Variants in APBA1 observed in about 807,000 individuals in gnomAD.
APBA1 encodes the protein amyloid-beta A4 precursor protein-binding family A member 1.
In APBA1, 55 loss-of-function variants were observed where a neutral mutation model predicts 86.6. That is an observed-to-expected ratio of 0.64 (90% confidence interval 0.51 to 0.80). APBA1 has a LOEUF of 0.80. Ranked by LOEUF, APBA1 falls within the 30% of genes least tolerant of loss-of-function variation. The pLI, the probability that APBA1 is intolerant of heterozygous loss-of-function variation, is 0.00. For missense variants in APBA1, 1,090 were observed against 1,183.0 expected (o/e 0.92, Z 1.15); for synonymous variants, 511 against 493.9 (o/e 1.03, Z -0.46).
intron 11 of APBA1, among the ~76,000 whole-genome samples, chr9:69,440,176 G>C (rs1834789109): frequency 6.6e-6 from 1 of 152,192 alleles, no homozygotes; most frequent in South Asian, 2.1e-4. Flanking sequence ...GGCTGTGTGA[G>C]GTGTCAGTCT....
intron 1 of APBA1, among the ~76,000 whole-genome samples, chr9:69,528,663 A>G (rs1365961249): frequency 6.6e-6 from 1 of 151,894 alleles, no homozygotes; most frequent in Non-Finnish European, 1.5e-5. Context: ...CTTCCTTTCT[A>G]CTGTTATCTC....
chr9:69,589,305 A>G (rs1310345756), intron 1 of APBA1, among the ~76,000 whole-genome samples: 1 of 152,206 alleles, frequency 6.6e-6, no homozygotes, highest in Admixed American at 6.5e-5. Context: ...CTTTGTACTT[A>G]GAAGATAATC....
At chr9:69,512,073 T>C (rs889542503) in intron 2 of APBA1, among the ~76,000 whole-genome samples, 1 of 147,362 alleles carries the variant, frequency 6.8e-6, no homozygotes, top group Non-Finnish European at 1.5e-5. Flanking sequence ...TAAAGTATAA[T>C]AAATAAATAA....
intron 10 of APBA1, among the ~76,000 whole-genome samples, chr9:69,446,719 C>T (rs1310067481): frequency 6.6e-6 from 1 of 152,160 alleles, no homozygotes; most frequent in Non-Finnish European, 1.5e-5. Flanking sequence ...CAGCTGGGGG[C>T]CCTGGGCAAG....
At chr9:69,594,718 G>C (rs1360350817) in intron 1 of APBA1, among the ~76,000 whole-genome samples, 2 of 152,130 alleles carry the variant, frequency 1.3e-5, no homozygotes, top group Non-Finnish European at 2.9e-5. Context: ...GTGATTGACT[G>C]CCCAAAGAGT....
chr9:69,560,087 G>T (rs532502114), intron 1 of APBA1, among the ~76,000 whole-genome samples: 5 of 152,248 alleles, frequency 3.3e-5, no homozygotes, highest in African/African-American at 1.2e-4. Context: ...GCTTGCCCAG[G>T]TTTAGTCACA....
chr9:69,432,405 G>T, intron 12 of APBA1, 131 bp downstream of exon 12: 3 of 877,014 alleles, frequency 3.4e-6, no homozygotes, highest in Non-Finnish European at 4.7e-6. Flanking sequence ...AGGTCTGCTT[G>T]TTGGGGAGTG....
intron 1 of APBA1, among the ~76,000 whole-genome samples, chr9:69,583,293 G>C (rs945931197): frequency 4.6e-5 from 7 of 152,146 alleles, no homozygotes; most frequent in African/African-American, 1.7e-4. Context: ...ACTGGACTCT[G>C]TCCGCTCTAT....
chr9:69,444,739 A>T (rs140174194), intron 10 of APBA1, among the ~76,000 whole-genome samples: 385 of 152,296 alleles, frequency 2.5e-3, no homozygotes, highest in Non-Finnish European at 4.2e-3. Context: ...AGATATTTTT[A>T]TCTGCTTTGA....
At chr9:69,575,055 T>C (rs1821758977) in intron 1 of APBA1, among the ~76,000 whole-genome samples, 2 of 152,136 alleles carry the variant, frequency 1.3e-5, no homozygotes, top group African/African-American at 4.8e-5. Flanking sequence ...TAGCTCAGAC[T>C]ACAGGTGTGC....
At chr9:69,653,779 C>T (rs1237118804) in intron 1 of APBA1, among the ~76,000 whole-genome samples, 3 of 152,080 alleles carry the variant, frequency 2.0e-5, no homozygotes, top group African/African-American at 7.2e-5. Flanking sequence ...ATAGAACATA[C>T]CAAAACCTAC....
rs772662649 is a variant in APBA1, at chr9:69,517,088, C to A, written c.123G>T (p.Pro41=). 1.2e-5 allele frequency: 19 copies of A among 1,579,690 alleles called. No homozygotes were observed. The highest frequency in any genetic ancestry group is 1.5e-5 in the Non-Finnish European group (18 of 1,168,212). ...HPEVEEEQQQ[P]PQQQHYVGRH... ...GGCCCACATAGTGCTGCTGCTGCGG[C>A]GGCTGCTGCTGTTCCTCTTCCACCT... The change falls in exon 2 of 13, where the codon CCG becomes CCT. Residue 41 remains proline (P), a synonymous_variant. Transcript: ENST00000265381.
intron 2 of APBA1, among the ~76,000 whole-genome samples, chr9:69,482,278 A>AG (rs1488633447): frequency 6.6e-6 from 1 of 151,720 alleles, no homozygotes; most frequent in Non-Finnish European, 1.5e-5. Flanking sequence ...ATTTACAAGA[A>AG]AAAAACAAAC....
intron 1 of APBA1, among the ~76,000 whole-genome samples, chr9:69,548,341 C>A (rs923390134): frequency 6.6e-6 from 1 of 152,156 alleles, no homozygotes; most frequent in Admixed American, 6.5e-5. Flanking sequence ...CAGAGCCCTG[C>A]CGACGCTTTG....
At chr9:69,668,780 C>T (rs1823889564) in intron 1 of APBA1, among the ~76,000 whole-genome samples, 1 of 152,114 alleles carries the variant, frequency 6.6e-6, no homozygotes. Context: ...AGGCATACAC[C>T]TTCCACTGCC....
chr9:69,437,647 G>A (rs1474768465), intron 11 of APBA1, among the ~76,000 whole-genome samples: 1 of 13,256 alleles, frequency 7.5e-5, no homozygotes, highest in Admixed American at 7.4e-4. Flanking sequence ...TTTTTATTGC[G>A]TCTATTTGAT....
intron 9 of APBA1, among the ~76,000 whole-genome samples, chr9:69,451,528 C>T (rs539944049): frequency 1.3e-5 from 2 of 152,278 alleles, no homozygotes; most frequent in African/African-American, 4.8e-5. Context: ...ACCGTATTTC[C>T]TCATTCCCTA....
intron 1 of APBA1, among the ~76,000 whole-genome samples, chr9:69,585,084 C>A (rs923271833): frequency 6.6e-6 from 1 of 152,160 alleles, no homozygotes; most frequent in African/African-American, 2.4e-5. Flanking sequence ...GTTCTTGGCA[C>A]TGGGAACCCA....
At chr9:69,462,634 G>A (rs1835209021) in intron 5 of APBA1, 1 of 152,234 alleles carries the variant, frequency 6.6e-6, no homozygotes, top group Non-Finnish European at 1.5e-5. Flanking sequence ...GAAGACACCT[G>A]TAGCAAATGT....
Sources: allele counts gnomAD v4.1 joint callset (sites outside exome capture counted in the v4.1 genomes callset), GRCh38; gene constraint gnomAD v4.1.1; transcripts MANE v1.5; gene names NCBI Gene and HGNC (gene_info 2026-07-23, HGNC 2026-07-21).